The following TRPC4 variants were observed in gnomAD, a reference collection of about 807,000 sequenced individuals.
TRPC4 encodes the protein short transient receptor potential channel 4.
A neutral mutation model predicts 99.4 loss-of-function variants in TRPC4; 49 were observed. The observed-to-expected ratio is 0.49, with a 90% CI of 0.39 to 0.63. The LOEUF is 0.63. TRPC4 is among the 20% of genes least tolerant of loss of function. The pLI is 0.00. For synonymous variants in TRPC4, 454 were observed against 425.9 expected (o/e 1.07, Z -0.81); for missense variants, 898 against 1,152.9 (o/e 0.78, Z 3.20).
At chr13:37,731,567 C>T (rs1678796655) in intron 3 of TRPC4, among the ~76,000 whole-genome samples, 2 of 151,914 alleles carry the variant, frequency 1.3e-5, no homozygotes, top group African/African-American at 4.8e-5. Flanking sequence ...ATTTTAATAA[C>T]TAGTACAGCT....
intron 2 of TRPC4, among the ~76,000 whole-genome samples, chr13:37,772,487 C>A (rs1956582098): frequency 6.6e-6 from 1 of 151,618 alleles, no homozygotes; most frequent in Non-Finnish European, 1.5e-5. Flanking sequence ...TCATGTGTGT[C>A]TGCATGTGTA....
intron 1 of TRPC4, among the ~76,000 whole-genome samples, chr13:37,828,875 A>G (rs574080365): frequency 4.6e-5 from 7 of 152,304 alleles, no homozygotes; most frequent in South Asian, 4.1e-4. Context: ...AAAACTACCT[A>G]TCAGGTGCTG....
In TRPC4 at chr13:37,785,439, C is replaced by T. The variant is rs192084898; in HGVS notation, c.-27-2079G>A. ...ATTCAATTTCAGCATTATGCATACC[C>T]TTTATTATCTCAGTTCTTTCTTATC... is the stretch of plus-strand genomic sequence containing the variant. On this transcript the variant is annotated intron_variant, in intron 1 of 10. Coordinates refer to ENST00000379705, the MANE Select transcript of TRPC4 (RefSeq NM_016179.4). Among the ~76,000 whole-genome samples, 8 of 152,134 alleles carry T rather than the reference C, an allele frequency of 5.3e-5. No homozygotes were observed. The East Asian group carries it at 1.5e-3, about 29-fold the overall frequency.
At chr13:37,801,313 C>T (rs1361636685) in intron 1 of TRPC4, among the ~76,000 whole-genome samples, 2 of 152,100 alleles carry the variant, frequency 1.3e-5, no homozygotes, top group African/African-American at 2.4e-5. Context: ...TAACATTACT[C>T]ACAAAACAGC....
chr13:37,652,460 C>T (rs1005643501), intron 7 of TRPC4, among the ~76,000 whole-genome samples: 4 of 152,198 alleles, frequency 2.6e-5, no homozygotes, highest in Non-Finnish European at 4.4e-5. Flanking sequence ...ACAGACTGTG[C>T]TTTGAACAAG....
At chr13:37,785,757 C>T (rs972116460) in intron 1 of TRPC4, among the ~76,000 whole-genome samples, 23 of 151,950 alleles carry the variant, frequency 1.5e-4, no homozygotes, top group African/African-American at 5.3e-4. Flanking sequence ...AGGTAGAGAA[C>T]AGCATTTTAT....
chr13:37,776,441 T>C (rs1217816695), intron 2 of TRPC4, among the ~76,000 whole-genome samples: 15 of 151,838 alleles, frequency 9.9e-5, no homozygotes. Flanking sequence ...CTATAACTCT[T>C]ATTCTTTTGC....
chr13:37,715,986 C>T (rs1406793467), intron 3 of TRPC4, among the ~76,000 whole-genome samples: 9 of 152,122 alleles, frequency 5.9e-5, no homozygotes, highest in East Asian at 3.9e-4. Flanking sequence ...GGAGCCAAGG[C>T]GTACACATAG....
intron 1 of TRPC4, among the ~76,000 whole-genome samples, chr13:37,789,961 TAC>T (rs1359099986): frequency 3.9e-5 from 6 of 152,092 alleles, no homozygotes; most frequent in African/African-American, 1.2e-4. Flanking sequence ...AGAATTAGTG[TAC>T]CAGATAACAG....
At chr13:37,679,213 T>C (rs1015754679) in intron 4 of TRPC4, among the ~76,000 whole-genome samples, 2 of 152,148 alleles carry the variant, frequency 1.3e-5, no homozygotes, top group African/African-American at 4.8e-5. Context: ...AACAATCTGA[T>C]ATCAGGGCCG....
At chr13:37,699,666 A>G (rs1041730944) in intron 3 of TRPC4, among the ~76,000 whole-genome samples, 1 of 152,336 alleles carries the variant, frequency 6.6e-6, no homozygotes, top group South Asian at 2.1e-4. Context: ...CAGTCATAAA[A>G]TCACCTAAGT....
rs1313850939 is a variant in TRPC4 at position 37,633,896 on chromosome 13, A to G, written c.*3007T>C. The stretch of plus-strand genomic sequence containing the variant: ...CTGAAGTTAATATAGATTTATTTGC[A>G]CAGAAATTTTAAGGAAAACCTTTAT... On this transcript the variant is annotated 3_prime_UTR_variant, in exon 11 of 11. Coordinates refer to ENST00000379705, the MANE Select transcript of TRPC4 (RefSeq NM_016179.4). 6.6e-6 allele frequency among the ~76,000 whole-genome samples: 1 copy of G among 152,132 alleles called. No homozygotes were observed. The highest frequency in any genetic ancestry group is 2.4e-5 in the African/African-American group (1 of 41,456).
At chr13:37,649,785 C>T (rs1951981343) in intron 8 of TRPC4, among the ~76,000 whole-genome samples, 1 of 127,596 alleles carries the variant, frequency 7.8e-6, no homozygotes, top group African/African-American at 2.8e-5. Flanking sequence ...TAAGCTATTA[C>T]ATTTATTCTA....
At chr13:37,780,119 C>A (rs1415817572) in intron 2 of TRPC4, among the ~76,000 whole-genome samples, 1 of 152,022 alleles carries the variant, frequency 6.6e-6, no homozygotes, top group African/African-American at 2.4e-5. Flanking sequence ...AAATTGTTCC[C>A]CTGTGAAAGC....
chr13:37,859,887 C>G (rs1959216856), intron 1 of TRPC4, among the ~76,000 whole-genome samples: 1 of 151,148 alleles, frequency 6.6e-6, no homozygotes, highest in African/African-American at 2.4e-5. Flanking sequence ...AATAAAAAAT[C>G]ATCTATCCAG....
chr13:37,817,163 C>T (rs1957879525), intron 1 of TRPC4, among the ~76,000 whole-genome samples: 1 of 152,064 alleles, frequency 6.6e-6, no homozygotes, highest in Non-Finnish European at 1.5e-5. Context: ...TGATACACAA[C>T]TTCCGCAAAG....
chr13:37,815,352 T>A (rs1052060152), intron 1 of TRPC4, among the ~76,000 whole-genome samples: 4 of 151,830 alleles, frequency 2.6e-5, no homozygotes, highest in Non-Finnish European at 2.9e-5. Context: ...AAGACCCAGC[T>A]GTATGCTGTC....
chr13:37,746,995 A>C (rs1955805612), intron 2 of TRPC4, among the ~76,000 whole-genome samples: 1 of 152,132 alleles, frequency 6.6e-6, no homozygotes, highest in Non-Finnish European at 1.5e-5. Flanking sequence ...AGCAAAAATA[A>C]GTGGGCTGGC....
chr13:37,661,504 G>A (rs115366262), intron 6 of TRPC4, among the ~76,000 whole-genome samples: 3 of 152,284 alleles, frequency 2.0e-5, no homozygotes, highest in South Asian at 2.1e-4. Context: ...TAAATGCTAC[G>A]TGGAAGTTCT....
Sources: allele counts gnomAD v4.1 joint callset (sites outside exome capture counted in the v4.1 genomes callset), GRCh38; gene constraint gnomAD v4.1.1; transcripts MANE v1.5; gene names NCBI Gene and HGNC (gene_info 2026-07-23, HGNC 2026-07-21).